Variants in ATAD2 observed in about 807,000 individuals in gnomAD.
ATAD2 encodes ATPase family AAA domain containing 2.
Under a neutral mutation model 168.9 loss-of-function variants are expected in ATAD2, and 62 were observed. The ratio of observed to expected loss-of-function variants is 0.37; its 90% CI spans 0.30 to 0.45. ATAD2 has a LOEUF of 0.45. Ranked by LOEUF, ATAD2 falls within the 20% of genes least tolerant of loss-of-function variation. ATAD2 has a pLI of 1.00. For missense variants in ATAD2, 1,419 were observed against 1,667.8 expected, an observed-to-expected ratio of 0.85 and a Z score of 2.60; for synonymous variants, 613 against 571.6, an observed-to-expected ratio of 1.07 and a Z score of -1.03.
At chr8:123,371,190 T>A in intron 5 of ATAD2, 46 bp downstream of exon 5, 1 of 1,470,690 alleles carries the variant, frequency 6.8e-7, no homozygotes, top group South Asian at 1.2e-5. Flanking sequence ...TATAAAAAAA[T>A]TAAACTGGAT....
At chr8:123,330,101 A>C (rs1219322980) in intron 24 of ATAD2, among the ~76,000 whole-genome samples, 1 of 147,112 alleles carries the variant, frequency 6.8e-6, no homozygotes, top group African/African-American at 2.5e-5. Flanking sequence ...CAATCCTCCT[A>C]CCTCAGTCTC....
At chr8:123,414,966 GT>G (rs1813223045) in intron 1 of ATAD2, among the ~76,000 whole-genome samples, 1 of 151,470 alleles carries the variant, frequency 6.6e-6, no homozygotes, top group Non-Finnish European at 1.5e-5. Flanking sequence ...GTTTTTTTTT[GT>G]TGTTTTTTAA....
At chr8:123,380,783 T>G (rs1829472666) in intron 1 of ATAD2, 106 bp from the exon 2 acceptor site, 2 of 1,119,284 alleles carry the variant, frequency 1.8e-6, no homozygotes, top group East Asian at 4.9e-5. Flanking sequence ...AACTGCTTTT[T>G]GTGCAGAATC....
At chr8:123,398,438 C>T (rs1812954518), upstream of ATAD2, among the ~76,000 whole-genome samples, 1 of 151,740 alleles carries the variant, frequency 6.6e-6, no homozygotes, top group Non-Finnish European at 1.5e-5. Context: ...ACCATGCTGG[C>T]CAGGCTGGTC....
At chr8:123,380,105 G>A (rs1829450682) in intron 2 of ATAD2, among the ~76,000 whole-genome samples, 1 of 151,722 alleles carries the variant, frequency 6.6e-6, no homozygotes, top group Non-Finnish European at 1.5e-5. Context: ...AGGCTGAAGT[G>A]CAGTGGCGCG....
chr8:123,346,784 T>C (rs913862839), intron 16 of ATAD2, 34 bp from the exon 17 acceptor site: 10 of 1,547,030 alleles, frequency 6.5e-6, no homozygotes, highest in Non-Finnish European at 8.7e-6. Flanking sequence ...TTAGTAACTT[T>C]TGGATTGCAA....
In ATAD2 at chr8:123,337,747, G is replaced by A. The variant is rs1307297212; in HGVS notation, c.2929C>T (p.Arg977Ter). Reference sequence around the variant, plus strand: ...GTATCTTCTTCTTGTTCTTCTAGTCGTTTCACTTCTTCTGCTGTCAGTGAT... The same window carrying A: ...GTATCTTCTTCTTGTTCTTCTAGTCATTTCACTTCTTCTGCTGTCAGTGAT... ...PRSLTAEEVK[R>*]LEEQEEDTFR... Residue 977 changes from arginine (R) to a stop codon, truncating the protein, a stop_gained, in exon 21 of 28, where the codon CGA becomes TGA. Transcript: ENST00000287394. LOFTEE classifies it high-confidence loss of function. 1.9e-6 allele frequency: 3 copies of A among 1,613,370 alleles called. No homozygotes were observed. The highest frequency in any genetic ancestry group is 1.7e-5 in the Admixed American group (1 of 59,902).
rs187071322 is a variant in ATAD2 at position 123,339,970 on chromosome 8, G to A, written c.2719-524C>T. Among the ~76,000 whole-genome samples the A allele has an allele frequency of 4.7e-3, 707 of 151,986 alleles. 5 individuals are homozygous for A. The highest frequency in any genetic ancestry group is 7.6e-3 in the Non-Finnish European group (519 of 67,970). Reference sequence around the variant, plus strand: ...TGCAGTGGCACAATCATAGCTCACTGCAACCTCAGACTGGGCTCAAGCAAT... The same window carrying A: ...TGCAGTGGCACAATCATAGCTCACTACAACCTCAGACTGGGCTCAAGCAAT... On this transcript the variant is annotated intron_variant, in intron 19 of 27. Coordinates refer to ENST00000287394, the MANE Select transcript of ATAD2 (RefSeq NM_014109.4).
chr8:123,331,034 T>C (rs1025121050), intron 24 of ATAD2, among the ~76,000 whole-genome samples: 2 of 152,010 alleles, frequency 1.3e-5, no homozygotes, highest in Non-Finnish European at 2.9e-5. Context: ...AGCAATTCTC[T>C]TGCCTCAGTC....
At chr8:123,382,079 C>G (rs550962659) in intron 1 of ATAD2, among the ~76,000 whole-genome samples, 1 of 152,048 alleles carries the variant, frequency 6.6e-6, no homozygotes, top group African/African-American at 2.4e-5. Context: ...AGATAGAAAT[C>G]AAAGTCAAAG....
At chr8:123,357,815 T>A in intron 11 of ATAD2, 79 bp from the exon 12 acceptor site, 1 of 1,329,664 alleles carries the variant, frequency 7.5e-7, no homozygotes, top group Non-Finnish European at 1.0e-6. Context: ...ACCAATTTCA[T>A]GATTCATTTA....
At chr8:123,364,597 C>T (rs1828917610) in intron 8 of ATAD2, among the ~76,000 whole-genome samples, 2 of 152,122 alleles carry the variant, frequency 1.3e-5, no homozygotes, top group Non-Finnish European at 1.5e-5. Flanking sequence ...AGGTTTCATA[C>T]CAGGGATGCA....
chr8:123,406,382 C>CAAA lies in ATAD2; in HGVS notation c.-2281-5210_-2281-5208dup, dbSNP rs34085644. On this transcript the variant is annotated intron_variant, in intron 1 of 28. Transcript: ENST00000521903. Reference sequence around the variant, plus strand: ...GGGACAGAGCGGGACACTGTCTCACCAAAAAAAAAAAAAAAAAATAGTTTT... The same window carrying CAAA: ...GGGACAGAGCGGGACACTGTCTCACCAAAAAAAAAAAAAAAAAAAAATAGTTTT... Among the ~76,000 whole-genome samples, 558 of 90,726 alleles carry CAAA rather than the reference C, an allele frequency of 6.2e-3. 23 individuals carry two copies. Among genetic ancestry groups the CAAA allele is most frequent in the African/African-American group, 0.018 (378 of 21,298 alleles). 59.5% of individuals were successfully genotyped at this position (90,726 alleles called of 152,430 possible).
chr8:123,347,027 T>C, intron 16 of ATAD2, 65 bp downstream of exon 16: 1 of 1,419,166 alleles, frequency 7.0e-7, no homozygotes, highest in Non-Finnish European at 9.5e-7. Context: ...ATTTCTGGTA[T>C]GTATGAAACA....
At chr8:123,368,071 AT>A (rs1829033016) in intron 8 of ATAD2, among the ~76,000 whole-genome samples, 2 of 152,240 alleles carry the variant, frequency 1.3e-5, no homozygotes, top group Admixed American at 1.3e-4. Flanking sequence ...CTTCTCTCTC[AT>A]TCATGAACTA....
chr8:123,384,989 A>G (rs957605047), intron 1 of ATAD2, among the ~76,000 whole-genome samples: 8 of 152,262 alleles, frequency 5.3e-5, no homozygotes, highest in Admixed American at 3.3e-4. Flanking sequence ...TACAACCTGC[A>G]TAACCAGTAC....
intron 1 of ATAD2, among the ~76,000 whole-genome samples, chr8:123,411,107 C>G (rs867489947): frequency 1.2e-4 from 19 of 152,132 alleles, no homozygotes; most frequent in African/African-American, 4.6e-4. Flanking sequence ...CGGCTTGCCA[C>G]CATCTTGGAA....
At chr8:123,352,770 A>C (rs193198830) in intron 13 of ATAD2, 16 of 152,120 alleles carry the variant, frequency 1.1e-4, no homozygotes, top group Admixed American at 4.6e-4. Context: ...ACAACAACAA[A>C]AAACTGATGG....
upstream of ATAD2, among the ~76,000 whole-genome samples, chr8:123,399,636 C>T (rs540179510): frequency 2.0e-5 from 3 of 150,004 alleles, no homozygotes; most frequent in South Asian, 6.4e-4. Context: ...GTGGGTATCA[C>T]CTGAGGTCGG....
Sources: gnomAD v4.1 joint callset for allele counts (sites outside exome capture counted in the v4.1 genomes callset) on GRCh38, gnomAD v4.1.1 for gene constraint, MANE v1.5 for transcripts, NCBI Gene and HGNC (gene_info 2026-07-23, HGNC 2026-07-21) for gene names.